Variants in KCNMA1 observed in about 807,000 individuals in gnomAD.
The protein encoded by KCNMA1 is Calcium-activated potassium channel subunit alpha-1.
In KCNMA1, 29 loss-of-function variants were observed where a neutral mutation model predicts 140.0. That is an observed-to-expected ratio of 0.21 (90% CI 0.15 to 0.28). The LOEUF (loss-of-function observed/expected upper bound fraction) is 0.28. Among genes scored for constraint, KCNMA1 ranks in the 10% least tolerant of loss-of-function variants. The probability of loss-of-function intolerance (pLI) is 1.00; values close to 1 mark genes in which losing one functional copy is unlikely to be tolerated. For missense variants in KCNMA1, 880 were observed against 1,602.2 expected (o/e 0.55, Z 7.70); for synonymous variants, 612 against 611.9 (o/e 1.00, Z 0.00).
In KCNMA1 at chr10:77,258,968, A is replaced by T. The variant is rs977912160; in HGVS notation, c.541-7712T>A. On this transcript the variant is annotated intron_variant, in intron 2 of 27. Coordinates refer to ENST00000286628, the MANE Select transcript of KCNMA1 (RefSeq NM_001161352.2). ...ACAGAGCGAGACTCTGTCTCAAAAAAATATATATATAATATATAATCTTGC... is the reference window on the plus strand; with the variant it reads ...ACAGAGCGAGACTCTGTCTCAAAAATATATATATATAATATATAATCTTGC... 9.9e-5 allele frequency among the ~76,000 whole-genome samples: 15 copies of T among 152,100 alleles called. 1 individual carries two copies. Among genetic ancestry groups the T allele is most frequent in the South Asian group, 8.3e-4 (4 of 4,828 alleles).
At chr10:77,109,808 C>G (rs2153872039) in intron 8 of KCNMA1, among the ~76,000 whole-genome samples, 1 of 152,310 alleles carries the variant, frequency 6.6e-6, no homozygotes, top group East Asian at 1.9e-4. Flanking sequence ...AAAGTATCGA[C>G]AGCTTCTACC....
intron 16 of KCNMA1, chr10:77,022,898 A>G (rs762267283): frequency 1.1e-5 from 5 of 453,948 alleles, no homozygotes; most frequent in East Asian, 7.0e-5. Flanking sequence ...TGTGTTAAGT[A>G]TGAATATGTA....
chr10:77,151,253 A>G (rs2098413405), intron 5 of KCNMA1, among the ~76,000 whole-genome samples: 1 of 137,222 alleles, frequency 7.3e-6, no homozygotes, highest in South Asian at 2.2e-4. Flanking sequence ...TTTCTGATGG[A>G]GTCTTGCTCT....
intron 21 of KCNMA1, among the ~76,000 whole-genome samples, chr10:76,952,941 CA>C (rs1294249676): frequency 6.6e-6 from 1 of 152,138 alleles, no homozygotes; most frequent in Non-Finnish European, 1.5e-5. Flanking sequence ...ATTATTAATC[CA>C]TTTCTCATGG....
chr10:76,886,944 C>A lies in KCNMA1; in HGVS notation c.*322G>T. 1 of 1,198,876 alleles carries A rather than the reference C, an allele frequency of 8.3e-7. No homozygotes were observed. Among genetic ancestry groups the A allele is most frequent in the Non-Finnish European group, 1.0e-6 (1 of 952,754 alleles). The allele number at this position is 1,198,876 out of a possible 1,614,324, so 74.3% of individuals were successfully genotyped here. Reference sequence around the variant, plus strand: ...AAATAAACTTGCTCTGCCTAACTGACGTTGATCACAAGTGCTCCCTTCTAA... The same window carrying A: ...AAATAAACTTGCTCTGCCTAACTGAAGTTGATCACAAGTGCTCCCTTCTAA... On this transcript the variant is annotated 3_prime_UTR_variant, in exon 28 of 28. Transcript: ENST00000286628.
intron 23 of KCNMA1, among the ~76,000 whole-genome samples, chr10:76,937,921 G>A (rs2152785730): frequency 6.7e-6 from 1 of 150,058 alleles, no homozygotes; most frequent in East Asian, 1.9e-4. Context: ...GTATGTGTGT[G>A]TGTGTTTGTG....
At chr10:77,218,556 A>C (rs2048538113) in intron 3 of KCNMA1, among the ~76,000 whole-genome samples, 2 of 152,074 alleles carry the variant, frequency 1.3e-5, no homozygotes, top group Admixed American at 1.3e-4. Context: ...GTCTCCTCTG[A>C]GCTAAGGGTC....
At chr10:77,456,769 C>G (rs1160326104) in intron 1 of KCNMA1, among the ~76,000 whole-genome samples, 1 of 152,160 alleles carries the variant, frequency 6.6e-6, no homozygotes, top group Admixed American at 6.5e-5. Context: ...TCAGGGAAAG[C>G]TGACCAAGAA....
intron 1 of KCNMA1, among the ~76,000 whole-genome samples, chr10:77,406,091 T>C (rs1259189687): frequency 1.3e-5 from 2 of 152,174 alleles, no homozygotes. Context: ...ACTGGGCAGA[T>C]GTATCTGGGG....
intron 5 of KCNMA1, among the ~76,000 whole-genome samples, chr10:77,159,807 A>G (rs1400055906): frequency 6.6e-6 from 1 of 152,008 alleles, no homozygotes; most frequent in Non-Finnish European, 1.5e-5. Flanking sequence ...GCCATATTCA[A>G]TGCAACACAC....
At chr10:77,428,774 C>G (rs145609853) in intron 1 of KCNMA1, among the ~76,000 whole-genome samples, 1 of 152,228 alleles carries the variant, frequency 6.6e-6, no homozygotes, top group Non-Finnish European at 1.5e-5. Flanking sequence ...CTTGAATATC[C>G]ATAAAAACCA....
At chr10:77,545,883 T>C (rs533765033) in intron 1 of KCNMA1, among the ~76,000 whole-genome samples, 7 of 152,240 alleles carry the variant, frequency 4.6e-5, no homozygotes, top group African/African-American at 1.7e-4. Context: ...CTGACCCCAC[T>C]ACCCTGTCCC....
intron 1 of KCNMA1, among the ~76,000 whole-genome samples, chr10:77,415,117 G>A (rs751700344): frequency 2.0e-4 from 30 of 152,124 alleles, no homozygotes; most frequent in African/African-American, 6.8e-4. Context: ...GCTAGGGGAC[G>A]GGGATCCAAC....
intron 1 of KCNMA1, among the ~76,000 whole-genome samples, chr10:77,560,545 GC>G: frequency 6.6e-6 from 1 of 152,210 alleles, no homozygotes. Flanking sequence ...AGTCCATGCA[GC>G]CTGCGGACTT....
intron 1 of KCNMA1, among the ~76,000 whole-genome samples, chr10:77,568,222 T>C (rs1233046619): frequency 1.3e-5 from 2 of 152,230 alleles, no homozygotes; most frequent in Non-Finnish European, 2.9e-5. Context: ...GAATCCTCCC[T>C]AACTCATTTT....
chr10:77,506,617 G>GTT (rs2046038104), intron 1 of KCNMA1, among the ~76,000 whole-genome samples: 1 of 143,228 alleles, frequency 7.0e-6, no homozygotes, highest in African/African-American at 2.7e-5. Flanking sequence ...GTGTGTGTGT[G>GTT]TGTTAGAGAG....
intron 2 of KCNMA1, among the ~76,000 whole-genome samples, chr10:77,344,871 C>A (rs1156258197): frequency 1.3e-5 from 2 of 152,198 alleles, no homozygotes; most frequent in Admixed American, 1.3e-4. Context: ...GCCACATCCC[C>A]AACACCACAC....
chr10:77,050,069 C>CCCCGT lies in KCNMA1; in HGVS notation c.1750-10437_1750-10433dup, dbSNP rs544407136. On this transcript the variant is annotated intron_variant, in intron 14 of 27. Transcript: ENST00000286628. ...GCCTGCATTCCTCTGGGAGAGGAAGCCCCGTCCCTCCCCATCTCATGCCTA... is the reference window on the plus strand; with the variant it reads ...GCCTGCATTCCTCTGGGAGAGGAAGCCCCGTCCCGTCCCTCCCCATCTCATGCCTA... Among the ~76,000 whole-genome samples, 38 of 152,150 alleles carry CCCCGT rather than the reference C, an allele frequency of 2.5e-4. No homozygotes were observed. In the South Asian group the frequency reaches 7.7e-3, roughly 31 times the overall value.
chr10:77,606,054 C>T (rs1021575484), intron 1 of KCNMA1, among the ~76,000 whole-genome samples: 1 of 152,218 alleles, frequency 6.6e-6, no homozygotes, highest in Non-Finnish European at 1.5e-5. Context: ...TCTTCCCAGC[C>T]GCATGGCAGT....
Sources: gnomAD v4.1 joint callset for allele counts (sites outside exome capture counted in the v4.1 genomes callset) on GRCh38, gnomAD v4.1.1 for gene constraint, MANE v1.5 for transcripts, NCBI Gene and HGNC (gene_info 2026-07-23, HGNC 2026-07-21) for gene names.